Variants in SPAG17 observed in about 807,000 individuals in gnomAD.
SPAG17 encodes the protein sperm associated antigen 17.
SPAG17 carries 169 observed loss-of-function variants against 273.6 expected under a neutral mutation model. The ratio of observed to expected loss-of-function variants is 0.62; its 90% CI spans 0.55 to 0.70. SPAG17 has a LOEUF of 0.70. Among genes scored for constraint, SPAG17 ranks in the 30% least tolerant of loss-of-function variants. SPAG17 has a pLI of 0.00. For synonymous variants in SPAG17, 825 were observed against 873.2 expected (o/e 0.94, Z 0.97); for missense variants, 2,557 against 2,627.8 (o/e 0.97, Z 0.59).
rs767478454 is a variant in SPAG17 at position 118,081,337 on chromosome 1, C to T, written c.1991-18G>A. 8 of 1,611,936 alleles carry T rather than the reference C, an allele frequency of 5.0e-6. No homozygotes were observed. The highest frequency in any genetic ancestry group is 2.2e-5 in the South Asian group (2 of 91,026). ...TTTAATATCTATTCAGTGTAAGGAA[C>T]ATCCATGAGATACAATATGAGAAAA... On this transcript the variant is annotated intron_variant, in intron 14 of 48. Transcript: ENST00000336338.
At chr1:118,126,994 G>A (rs1257478195) in intron 3 of SPAG17, among the ~76,000 whole-genome samples, 1 of 152,110 alleles carries the variant, frequency 6.6e-6, no homozygotes, top group Non-Finnish European at 1.5e-5. Flanking sequence ...TCAGTTGACT[G>A]TAACTATGGA....
chr1:117,990,635 G>C (rs1656971178), intron 38 of SPAG17, among the ~76,000 whole-genome samples: 1 of 152,182 alleles, frequency 6.6e-6, no homozygotes, highest in South Asian at 2.1e-4. Context: ...AGTTAAAGAT[G>C]AATGAGAGAA....
chr1:118,170,765 A>G (rs1490736866), intron 1 of SPAG17, among the ~76,000 whole-genome samples: 1 of 152,126 alleles, frequency 6.6e-6, no homozygotes, highest in African/African-American at 2.4e-5. Flanking sequence ...CCAAAGTGGA[A>G]CTTTCTCCAG....
chr1:117,995,525 C>T (rs1441632602), intron 34 of SPAG17, among the ~76,000 whole-genome samples: 1 of 152,018 alleles, frequency 6.6e-6, no homozygotes, highest in African/African-American at 2.4e-5. Context: ...ATGCACCACA[C>T]TGACTGGGGG....
At chr1:118,021,735 T>C (rs1660515129) in intron 28 of SPAG17, among the ~76,000 whole-genome samples, 1 of 152,152 alleles carries the variant, frequency 6.6e-6, no homozygotes. Context: ...TGCATCATCT[T>C]GGATGGAAGG....
intron 1 of SPAG17, among the ~76,000 whole-genome samples, chr1:118,159,043 G>T (rs147861363): frequency 1.0e-3 from 159 of 152,310 alleles, no homozygotes; most frequent in African/African-American, 3.7e-3. Flanking sequence ...ACACTAAAGA[G>T]AACTTTTACA....
chr1:117,960,198 G>A (rs1652872044), intron 48 of SPAG17: 1 of 151,088 alleles, frequency 6.6e-6, no homozygotes, highest in African/African-American at 2.4e-5. Flanking sequence ...CTTGAAAAAT[G>A]CAGGTGGTAG....
intron 3 of SPAG17, among the ~76,000 whole-genome samples, chr1:118,118,346 A>G (rs928959309): frequency 6.6e-6 from 1 of 152,190 alleles, no homozygotes; most frequent in African/African-American, 2.4e-5. Context: ...TAAGCTAGCC[A>G]GGGCTATAGT....
intron 17 of SPAG17, among the ~76,000 whole-genome samples, chr1:118,071,702 A>C (rs1653601608): frequency 6.6e-6 from 1 of 152,158 alleles, no homozygotes; most frequent in African/African-American, 2.4e-5. Flanking sequence ...TATAAATATA[A>C]CTTTAGGAAA....
chr1:117,988,962 G>C (rs916630935), intron 38 of SPAG17, among the ~76,000 whole-genome samples: 3 of 152,044 alleles, frequency 2.0e-5, no homozygotes, highest in African/African-American at 7.2e-5. Context: ...TTTATTTCCT[G>C]GAACTGTTTG....
intron 18 of SPAG17, among the ~76,000 whole-genome samples, chr1:118,056,920 A>G (rs12124362): frequency 0.4 from 60,347 of 151,920 alleles, 13,200 homozygotes; most frequent in Non-Finnish European, 0.5. Context: ...CTACAGTTCC[A>G]GTTAAACAGG....
intron 3 of SPAG17, among the ~76,000 whole-genome samples, chr1:118,144,727 C>T (rs536520835): frequency 5.3e-5 from 8 of 152,238 alleles, no homozygotes; most frequent in Non-Finnish European, 1.0e-4. Flanking sequence ...CGGAAAGATC[C>T]GCAGATTCTG....
Position 118,185,217 on chromosome 1 carries a change from C to T in SPAG17, c.-60G>A, listed in dbSNP as rs576652250. The T allele has an allele frequency of 7.2e-7, 1 of 1,387,506 alleles. No individual in the cohort carries two copies. The highest frequency in any genetic ancestry group is 1.0e-6 in the Non-Finnish European group (1 of 974,320). The allele number at this position is 1,387,506 out of a possible 1,614,324, so 85.9% of individuals were successfully genotyped here. On this transcript the variant is annotated 5_prime_UTR_variant, in exon 1 of 49. Transcript: ENST00000336338. ...GGCGCAGGCCCTGCCTAAGCGTCCC[C>T]GCTACCACAGTAACCGAAGCCACGC...
At chr1:118,110,360 C>A (rs906086261) in intron 4 of SPAG17, among the ~76,000 whole-genome samples, 2 of 151,986 alleles carry the variant, frequency 1.3e-5, no homozygotes, top group African/African-American at 4.8e-5. Context: ...CAGAAAAAAA[C>A]AGAAAGAAAA....
intron 29 of SPAG17, among the ~76,000 whole-genome samples, chr1:118,013,396 G>A (rs1236753094): frequency 6.6e-6 from 1 of 152,092 alleles, no homozygotes; most frequent in Non-Finnish European, 1.5e-5. Context: ...ATTATTTTAG[G>A]TTCTTATCAT....
intron 23 of SPAG17, among the ~76,000 whole-genome samples, chr1:118,038,624 C>T (rs1253659487): frequency 2.0e-5 from 3 of 152,098 alleles, no homozygotes; most frequent in African/African-American, 7.2e-5. Flanking sequence ...CATGAAAAGA[C>T]ACACAGGAAA....
chr1:117,990,403 C>T (rs1000722960), intron 38 of SPAG17, among the ~76,000 whole-genome samples: 1 of 152,132 alleles, frequency 6.6e-6, no homozygotes, highest in African/African-American at 2.4e-5. Flanking sequence ...TGTATATATA[C>T]CTCCAAATGA....
chr1:118,171,495 A>G (rs915218858), intron 1 of SPAG17, among the ~76,000 whole-genome samples: 1 of 152,194 alleles, frequency 6.6e-6, no homozygotes, highest in African/African-American at 2.4e-5. Context: ...AGATGCTCTC[A>G]GTAAGAAGCC....
Position 118,127,808 on chromosome 1 carries a change from T to C in SPAG17, c.316-12367A>G, listed in dbSNP as rs533574393. Among the ~76,000 whole-genome samples the C allele has an allele frequency of 3.3e-5, 5 of 152,308 alleles. No homozygotes were observed. The South Asian group carries it at 1.0e-3, about 32-fold the overall frequency. ...TGTTTTGTAGTATCCATTGTAATGA[T>C]AGTTCATCTTCTTGGTTAAATTGAT... On this transcript the variant is annotated intron_variant, in intron 3 of 48. Transcript: ENST00000336338.
Sources: allele counts gnomAD v4.1 joint callset (sites outside exome capture counted in the v4.1 genomes callset), GRCh38; gene constraint gnomAD v4.1.1; transcripts MANE v1.5; gene names NCBI Gene and HGNC (gene_info 2026-07-23, HGNC 2026-07-21).